Variants in NEBL observed in about 807,000 individuals in gnomAD.
NEBL encodes nebulette, also known as LIM and SH3 protein 2.
Under a neutral mutation model 140.2 loss-of-function variants are expected in NEBL, and 122 were observed. The observed-to-expected ratio is 0.87, with a 90% CI of 0.75 to 1.01. The LOEUF is 1.01. Ranked by LOEUF, NEBL falls within the 50% of genes least tolerant of loss-of-function variation. The pLI, the probability that NEBL is intolerant of heterozygous loss-of-function variation, is 0.00. For missense variants in NEBL, 1,365 were observed against 1,231.3 expected, an observed-to-expected ratio of 1.11 and a Z score of -1.62; for synonymous variants, 436 against 398.9, an observed-to-expected ratio of 1.09 and a Z score of -1.11.
Position 21,027,789 on chromosome 10 carries a change from C to T in NEBL, c.165-7588G>A, listed in dbSNP as rs151007067. Among the ~76,000 whole-genome samples, 586 of 152,156 alleles carry T rather than the reference C, an allele frequency of 3.9e-3. 2 individuals are homozygous for T. Among genetic ancestry groups the T allele is most frequent in the African/African-American group, 0.014 (566 of 41,512 alleles). On this transcript the variant is annotated intron_variant, in intron 2 of 6. Transcript: ENST00000417816. Reference sequence around the variant, plus strand: ...CCAAGGAAGTCATTTTACCCAATGACCAAGACCATAACTAACTGTTAGGGA... The same window carrying T: ...CCAAGGAAGTCATTTTACCCAATGATCAAGACCATAACTAACTGTTAGGGA...
chr10:20,903,119 T>C (rs1847940728), intron 4 of NEBL, among the ~76,000 whole-genome samples: 1 of 152,164 alleles, frequency 6.6e-6, no homozygotes, highest in South Asian at 2.1e-4. Flanking sequence ...AGCCTGAAAG[T>C]GCAGATAGTA....
intron 1 of NEBL, among the ~76,000 whole-genome samples, chr10:21,288,422 C>T (rs1843090080): frequency 6.6e-6 from 1 of 151,628 alleles, no homozygotes; most frequent in South Asian, 2.1e-4. Context: ...GAGCCAAGAT[C>T]GTGCCACTGC....
intron 4 of NEBL, among the ~76,000 whole-genome samples, chr10:20,915,898 C>G (rs574400348): frequency 6.6e-6 from 1 of 152,294 alleles, no homozygotes; most frequent in South Asian, 2.1e-4. Context: ...GCTAACCAAA[C>G]ATTTATATCC....
In NEBL at chr10:21,101,041, G is replaced by A. The variant is rs7085478; in HGVS notation, c.164+71342C>T. ...ACCAGAATGTAACTTTAGAGACACA[G>A]GGGAGGTTATTTCCTTCATTCACAG... On this transcript the variant is annotated intron_variant, in intron 2 of 6. Coordinates refer to the NEBL transcript ENST00000417816. Among the ~76,000 whole-genome samples, 1,013 of 152,248 alleles carry A rather than the reference G, an allele frequency of 6.7e-3. 12 individuals are homozygous for A. The highest frequency in any genetic ancestry group is 0.022 in the African/African-American group (931 of 41,544).
At chr10:20,897,407 G>T (rs1174194031), upstream of NEBL, 4 of 1,341,256 alleles carry the variant, frequency 3.0e-6, no homozygotes, top group Non-Finnish European at 2.8e-6. Context: ...GGTCTACCAG[G>T]CTGGCCTCAC....
At chr10:20,906,493 TA>T (rs530127201) in intron 4 of NEBL, among the ~76,000 whole-genome samples, 129 of 152,300 alleles carry the variant, frequency 8.5e-4, no homozygotes, top group African/African-American at 3.1e-3. Context: ...AATAAAATTA[TA>T]ATTAAAGTAA....
intron 2 of NEBL, chr10:21,020,220 A>G (rs1199569342): frequency 6.3e-7 from 1 of 1,595,988 alleles, no homozygotes; most frequent in Admixed American, 1.7e-5. Context: ...AAATTTTTTA[A>G]AAGGACATAA....
At chr10:21,107,801 C>A (rs1327588808) in intron 2 of NEBL, among the ~76,000 whole-genome samples, 6 of 151,886 alleles carry the variant, frequency 4.0e-5, no homozygotes, top group Admixed American at 3.3e-4. Context: ...CTGGTCTTGG[C>A]CTATTTTTGG....
intron 3 of NEBL, among the ~76,000 whole-genome samples, chr10:21,189,957 ACT>A (rs537729668): frequency 5.3e-4 from 81 of 152,142 alleles, no homozygotes; most frequent in Admixed American, 1.3e-3. Flanking sequence ...CAATTCAATG[ACT>A]CTGTTGAAAT....
Position 20,785,636 on chromosome 10 carries a change from G to T in NEBL, c.*111C>A. On this transcript the variant is annotated 3_prime_UTR_variant, in exon 28 of 28. Transcript: ENST00000377122. ...CTGTGTGTCTAATTGTCAAAGGAAG[G>T]ATACATCATTGTAAAATAATGGCCA... 1.6e-6 allele frequency: 2 copies of T among 1,236,278 alleles called. No individual in the cohort carries two copies. Among genetic ancestry groups the T allele is most frequent in the Non-Finnish European group, 2.3e-6 (2 of 866,622 alleles). The allele number at this position is 1,236,278 out of a possible 1,614,324, so 76.6% of individuals were successfully genotyped here.
At chr10:20,939,370 A>T (rs1363305216) in intron 4 of NEBL, among the ~76,000 whole-genome samples, 5 of 152,320 alleles carry the variant, frequency 3.3e-5, no homozygotes, top group African/African-American at 1.2e-4. Context: ...AATACTTTAC[A>T]GACAAGCAAA....
intron 3 of NEBL, among the ~76,000 whole-genome samples, chr10:20,971,278 A>G (rs1303364451): frequency 6.6e-6 from 1 of 152,208 alleles, no homozygotes; most frequent in Non-Finnish European, 1.5e-5. Flanking sequence ...ATATGTACAC[A>G]TAATCCATAT....
intron 2 of NEBL, among the ~76,000 whole-genome samples, chr10:21,136,003 G>T (rs373417418): frequency 6.6e-6 from 1 of 152,190 alleles, no homozygotes; most frequent in Admixed American, 6.5e-5. Flanking sequence ...TCAAAGAGAG[G>T]AAGCCCTTCT....
At chr10:21,097,927 G>T (rs995252461) in intron 2 of NEBL, among the ~76,000 whole-genome samples, 1 of 152,116 alleles carries the variant, frequency 6.6e-6, no homozygotes, top group African/African-American at 2.4e-5. Context: ...CTTGTTTAAT[G>T]GTCTAGACAA....
At chr10:20,998,773 C>T (rs1280056772) in intron 3 of NEBL, among the ~76,000 whole-genome samples, 1 of 152,146 alleles carries the variant, frequency 6.6e-6, no homozygotes, top group African/African-American at 2.4e-5. Context: ...TCTGACACCC[C>T]CTAAAAGTCA....
intron 2 of NEBL, among the ~76,000 whole-genome samples, chr10:21,075,672 C>T (rs975281324): frequency 2.0e-5 from 3 of 152,214 alleles, no homozygotes; most frequent in East Asian, 1.9e-4. Flanking sequence ...TTAGCTTCAA[C>T]AATTGCAGTC....
chr10:21,255,724 G>C (rs1304870549), intron 1 of NEBL, among the ~76,000 whole-genome samples: 3 of 152,216 alleles, frequency 2.0e-5, no homozygotes, highest in African/African-American at 7.2e-5. Context: ...CCGGCTGGGC[G>C]CGGTGGCTCA....
At chr10:20,824,861 T>A (rs1326169245) in intron 18 of NEBL, among the ~76,000 whole-genome samples, 4 of 152,214 alleles carry the variant, frequency 2.6e-5, no homozygotes, top group Non-Finnish European at 5.9e-5. Flanking sequence ...AGAATATTTA[T>A]AATATTAAAC....
In NEBL at chr10:20,859,750, AAAG is replaced by A; in HGVS notation, c.758_760del (p.Ser253del). 6.2e-7 allele frequency: 1 copy of A among 1,604,256 alleles called. No homozygotes were observed. Among genetic ancestry groups the A allele is most frequent in the Non-Finnish European group, 8.5e-7 (1 of 1,171,884 alleles). On this transcript the variant is annotated inframe_deletion, in exon 8 of 28. Coordinates refer to ENST00000377122, the MANE Select transcript of NEBL (RefSeq NM_006393.3). ...TGTAGCAGCAAGCTGATTCTGCCTA[AAAG>A]AAGCACTTTCAAGAGGATTGTAATG... is the stretch of plus-strand genomic sequence containing the variant.
Sources: allele counts gnomAD v4.1 joint callset (sites outside exome capture counted in the v4.1 genomes callset), GRCh38; gene constraint gnomAD v4.1.1; transcripts MANE v1.5; gene names NCBI Gene and HGNC (gene_info 2026-07-23, HGNC 2026-07-21).